The following PPM1E variants were observed in gnomAD, a reference collection of about 807,000 sequenced individuals.
The protein encoded by PPM1E is protein phosphatase, Mg2+/Mn2+ dependent 1E, also known as protein phosphatase 1E.
A neutral mutation model predicts 65.9 loss-of-function variants in PPM1E; 20 were observed. The observed-to-expected ratio is 0.30, with a 90% CI of 0.21 to 0.44. PPM1E has a LOEUF of 0.44. Among genes scored for constraint, PPM1E ranks in the 20% least tolerant of loss-of-function variants. The probability of loss-of-function intolerance (pLI) is 1.00; values close to 1 mark genes in which losing one functional copy is unlikely to be tolerated. For synonymous variants in PPM1E, 352 were observed against 374.9 expected (o/e 0.94, Z 0.70); for missense variants, 713 against 953.1 (o/e 0.75, Z 3.32).
At chr17:58,889,376 G>A (rs377042431) in intron 1 of PPM1E, among the ~76,000 whole-genome samples, 5 of 152,176 alleles carry the variant, frequency 3.3e-5, no homozygotes, top group South Asian at 4.1e-4. Flanking sequence ...TGAGGCAGGC[G>A]AATCACGAGG....
At chr17:58,809,731 T>C (rs1260673336) in intron 1 of PPM1E, among the ~76,000 whole-genome samples, 1 of 152,174 alleles carries the variant, frequency 6.6e-6, no homozygotes, top group African/African-American at 2.4e-5. Context: ...ACCAGATCAT[T>C]TGTTGGTAGA....
chr17:58,875,058 A>T (rs1353911568), intron 1 of PPM1E, among the ~76,000 whole-genome samples: 1 of 152,120 alleles, frequency 6.6e-6, no homozygotes, highest in Non-Finnish European at 1.5e-5. Flanking sequence ...AAACAATGTA[A>T]TTGCCCTTAC....
chr17:58,845,008 G>T (rs2050757088), intron 1 of PPM1E, among the ~76,000 whole-genome samples: 1 of 152,094 alleles, frequency 6.6e-6, no homozygotes, highest in South Asian at 2.1e-4. Context: ...CATATATATT[G>T]CATATAGTAT....
At chr17:58,941,096 AATGTGT>A (rs1468709647) in intron 1 of PPM1E, among the ~76,000 whole-genome samples, 10 of 152,216 alleles carry the variant, frequency 6.6e-5, no homozygotes, top group African/African-American at 2.4e-4. Flanking sequence ...AAACATTTGG[AATGTGT>A]CCAGTTAATC....
At chr17:58,879,286 A>T (rs1443754549) in intron 1 of PPM1E, among the ~76,000 whole-genome samples, 1 of 149,448 alleles carries the variant, frequency 6.7e-6, no homozygotes, top group Non-Finnish European at 1.5e-5. Context: ...TATATATAAT[A>T]TTTATAATAT....
intron 1 of PPM1E, among the ~76,000 whole-genome samples, chr17:58,888,362 C>CTTTTTTTT (rs71367642): frequency 6.7e-5 from 7 of 104,490 alleles, no homozygotes; most frequent in Admixed American, 1.0e-4. Context: ...ACTCTTCTCT[C>CTTTTTTTT]TTTTTTTTTT....
rs1196383023 is a variant in PPM1E at position 58,981,947 on chromosome 17, C to CT, written c.*923dup. On this transcript the variant is annotated 3_prime_UTR_variant, in exon 7 of 7. Transcript: ENST00000308249. ...AATCAAAAGCATTTCTATATTTTGT[C>CT]TTTTTTTAGTTCAGACAGCAAAGGC... The CT allele has an allele frequency of 5.9e-5, 9 of 152,510 alleles. No homozygotes were observed. Among genetic ancestry groups the CT allele is most frequent in the Admixed American group, 4.6e-4 (7 of 15,276 alleles). The allele number at this position is 152,510 out of a possible 1,614,324, so 9.4% of individuals were successfully genotyped here.
intron 1 of PPM1E, among the ~76,000 whole-genome samples, chr17:58,786,260 C>G (rs532077536): frequency 1.3e-5 from 2 of 151,814 alleles, no homozygotes; most frequent in African/African-American, 4.8e-5. Context: ...GTGATCTGCC[C>G]GCCTCGGCCT....
intron 1 of PPM1E, among the ~76,000 whole-genome samples, chr17:58,950,265 G>A (rs2052217312): frequency 6.6e-6 from 1 of 152,212 alleles, no homozygotes; most frequent in Non-Finnish European, 1.5e-5. Flanking sequence ...AGGAGGCTGA[G>A]GCAGGAGAAT....
At chr17:58,800,534 A>G (rs1200333193) in intron 1 of PPM1E, among the ~76,000 whole-genome samples, 1 of 152,160 alleles carries the variant, frequency 6.6e-6, no homozygotes, top group Non-Finnish European at 1.5e-5. Context: ...ATTCACCAGT[A>G]AAACTATCTT....
At chr17:58,973,788 T>A (rs982715122) in intron 6 of PPM1E, among the ~76,000 whole-genome samples, 1 of 151,788 alleles carries the variant, frequency 6.6e-6, no homozygotes, top group Non-Finnish European at 1.5e-5. Context: ...CCGTCTCTAC[T>A]AAAAATATAA....
chr17:58,980,744 G>C lies in PPM1E; in HGVS notation c.1981G>C (p.Gly661Arg), dbSNP rs747082201. 3 of 1,614,090 alleles carry C rather than the reference G, an allele frequency of 1.9e-6. No homozygotes were observed. The South Asian group carries it at 3.3e-5, about 18-fold the overall frequency. Residue 661 changes from glycine to arginine, a missense_variant, in exon 7 of 7, where the codon GGA becomes CGA. This residue lies in a region of PPM1E where 286 missense variants were observed against 313.8 expected (regional missense o/e 0.91). Coordinates refer to ENST00000308249, the MANE Select transcript of PPM1E (RefSeq NM_014906.5). The surrounding 1 kb of genome is among the most constrained non-coding windows in gnomAD (Gnocchi z 4.7). ...GGAAAATGAACAGTTCAAATCCCCG[G>C]GAAACAGAGTTTCTAGATTGTCTCA... ...GLENEQFKSPGNRVSRLSHLR... is the reference protein window; with the variant it reads ...GLENEQFKSPRNRVSRLSHLR...
intron 1 of PPM1E, among the ~76,000 whole-genome samples, chr17:58,783,776 C>T (rs766706111): frequency 1.3e-5 from 2 of 151,978 alleles, no homozygotes; most frequent in Admixed American, 6.6e-5. Flanking sequence ...GGCGTGATCT[C>T]GGCCCACTGC....
chr17:58,917,097 C>G (rs957826800), intron 1 of PPM1E, among the ~76,000 whole-genome samples: 4 of 151,914 alleles, frequency 2.6e-5, no homozygotes, highest in African/African-American at 9.7e-5. Context: ...GTAATCCCAA[C>G]TACTCGGGAG....
chr17:58,911,534 G>A (rs915416454), intron 1 of PPM1E, among the ~76,000 whole-genome samples: 1 of 152,074 alleles, frequency 6.6e-6, no homozygotes. Flanking sequence ...GGCTTTTCAG[G>A]TGCATTTAAA....
chr17:58,763,742 G>A (rs1233949092), intron 1 of PPM1E, among the ~76,000 whole-genome samples: 1 of 152,108 alleles, frequency 6.6e-6, no homozygotes, highest in African/African-American at 2.4e-5. Context: ...CATTTGAACT[G>A]CCATACCGTG....
chr17:58,975,463 C>T (rs566204300), intron 6 of PPM1E, among the ~76,000 whole-genome samples: 2 of 152,242 alleles, frequency 1.3e-5, no homozygotes, highest in South Asian at 4.1e-4. Flanking sequence ...ATAGTGATAC[C>T]TCATCTCTAT....
chr17:58,858,636 T>C (rs574204442), intron 1 of PPM1E, among the ~76,000 whole-genome samples: 28 of 152,296 alleles, frequency 1.8e-4, no homozygotes, highest in African/African-American at 6.7e-4. Context: ...TTGCCAAGAA[T>C]GACAGGATTT....
At chr17:58,783,427 T>A (rs2050068228) in intron 1 of PPM1E, among the ~76,000 whole-genome samples, 1 of 152,204 alleles carries the variant, frequency 6.6e-6, no homozygotes, top group African/African-American at 2.4e-5. Flanking sequence ...CCATAAGATT[T>A]GCCTGCCAAA....
Sources: gnomAD v4.1 joint callset for allele counts (sites outside exome capture counted in the v4.1 genomes callset) on GRCh38, gnomAD v4.1.1 for gene constraint, gnomAD v4.1.1 regional missense constraint, Gnocchi (gnomAD v3.1) non-coding constraint, MANE v1.5 for transcripts, NCBI Gene and HGNC (gene_info 2026-07-23, HGNC 2026-07-21) for gene names.